Variants in CEP126 observed in about 807,000 individuals in gnomAD.
The protein encoded by CEP126 is centrosomal protein 126.
Under a neutral mutation model 107.8 loss-of-function variants are expected in CEP126, and 74 were observed. The ratio of observed to expected loss-of-function variants is 0.69; its 90% CI spans 0.57 to 0.83. The LOEUF is 0.83. CEP126 is among the 40% of genes least tolerant of loss of function. The pLI, the probability that CEP126 is intolerant of heterozygous loss-of-function variation, is 0.00. For synonymous variants in CEP126, 449 were observed against 446.0 expected (o/e 1.01, Z -0.08); for missense variants, 1,237 against 1,281.9 (o/e 0.96, Z 0.53).
intron 6 of CEP126, among the ~76,000 whole-genome samples, chr11:101,968,544 T>C (rs898821623): frequency 6.6e-6 from 1 of 152,174 alleles, no homozygotes; most frequent in Non-Finnish European, 1.5e-5. Context: ...GAGAAAATTG[T>C]TGACCAATGA....
chr11:101,972,481 C>G (rs901839007), intron 6 of CEP126, among the ~76,000 whole-genome samples: 4 of 151,442 alleles, frequency 2.6e-5, no homozygotes, highest in African/African-American at 9.7e-5. Flanking sequence ...CATCCCCTTC[C>G]TCCGTTACAG....
chr11:101,972,083 G>A (rs1478061766), intron 6 of CEP126, among the ~76,000 whole-genome samples: 1 of 151,360 alleles, frequency 6.6e-6, no homozygotes, highest in African/African-American at 2.4e-5. Context: ...ACTCCAGCCT[G>A]GGCAATAGAG....
intron 4 of CEP126, among the ~76,000 whole-genome samples, chr11:101,954,018 T>C (rs963267135): frequency 7.3e-6 from 1 of 136,730 alleles, no homozygotes; most frequent in Non-Finnish European, 1.6e-5. Flanking sequence ...ATTATTTTCC[T>C]TTTTTGTTTG....
At chr11:101,992,413 C>G (rs1941395789) in intron 9 of CEP126, among the ~76,000 whole-genome samples, 1 of 151,590 alleles carries the variant, frequency 6.6e-6, no homozygotes, top group Admixed American at 6.6e-5. Flanking sequence ...TTTTTTATGC[C>G]TCAATAACTA....
At chr11:101,973,280 G>A (rs1017731242) in intron 6 of CEP126, among the ~76,000 whole-genome samples, 3 of 152,100 alleles carry the variant, frequency 2.0e-5, no homozygotes, top group East Asian at 1.9e-4. Flanking sequence ...CAGTCATACA[G>A]TATAAAATGG....
chr11:101,960,230 G>A lies in CEP126; in HGVS notation c.706-1511G>A, dbSNP rs541923221. ...TCATAATGTTTCATTATTTAGTGGTGGGAAAAAATCTGAAGAAAAAAAAAG... is the reference window on the plus strand; with the variant it reads ...TCATAATGTTTCATTATTTAGTGGTAGGAAAAAATCTGAAGAAAAAAAAAG... On this transcript the variant is annotated intron_variant, in intron 5 of 10. Coordinates refer to ENST00000263468, the MANE Select transcript of CEP126 (RefSeq NM_020802.4). Among the ~76,000 whole-genome samples the A allele has an allele frequency of 1.1e-4, 16 of 152,148 alleles. No homozygotes were observed. In the South Asian group the frequency reaches 2.9e-3, roughly 28 times the overall value.
intron 10 of CEP126, among the ~76,000 whole-genome samples, chr11:101,993,991 TGGGAGGCCGA>T (rs1941414644): frequency 6.6e-6 from 1 of 152,202 alleles, no homozygotes; most frequent in African/African-American, 2.4e-5. Flanking sequence ...CCCAGGACTT[TGGGAGGCCGA>T]GGCTGGCTGG....
intron 2 of CEP126, among the ~76,000 whole-genome samples, chr11:101,935,562 A>G (rs10895225): frequency 0.056 from 8,486 of 152,110 alleles, 458 homozygotes; most frequent in East Asian, 0.26. Context: ...TAGTTGCTCC[A>G]GCACCATTTG....
intron 6 of CEP126, among the ~76,000 whole-genome samples, chr11:101,975,917 A>G (rs569796463): frequency 6.6e-6 from 1 of 152,302 alleles, no homozygotes; most frequent in African/African-American, 2.4e-5. Context: ...AAAGGACATG[A>G]TCTTTTTTAT....
rs183649803 is a variant in CEP126, at chr11:101,959,391, G to T, written c.705+1025G>T. 4.1e-3 allele frequency among the ~76,000 whole-genome samples: 618 copies of T among 152,138 alleles called. 2 individuals are homozygous for T. Among genetic ancestry groups the T allele is most frequent in the African/African-American group, 0.014 (581 of 41,512 alleles). On this transcript the variant is annotated intron_variant, in intron 5 of 10. Transcript: ENST00000263468. ...GATGGTCTCCATCTCTTGACCCCAT[G>T]ATCCGCCCGCCTCAGCCTCCCAAAA...
At chr11:101,932,223 T>C (rs1940511139) in intron 2 of CEP126, among the ~76,000 whole-genome samples, 2 of 152,198 alleles carry the variant, frequency 1.3e-5, no homozygotes, top group African/African-American at 4.8e-5. Flanking sequence ...ATGAAAGAAG[T>C]ATAGTAATCA....
chr11:101,922,754 GA>G lies in CEP126; in HGVS notation c.248del (p.Ala84LeufsTer57). ...ARKYFVESNR[R>X]KKAFEEKRKE... ...AAATATTTTGTGGAGTCAAATCGGA[GA>G]AAAAAGTAAGTAATTGCACTTTATT... On this transcript the variant is annotated frameshift_variant, in exon 2 of 11. Coordinates refer to ENST00000263468, the MANE Select transcript of CEP126 (RefSeq NM_020802.4). LOFTEE classifies it high-confidence loss of function. 6.2e-7 allele frequency: 1 copy of G among 1,610,264 alleles called. No individual in the cohort carries two copies. Among genetic ancestry groups the G allele is most frequent in the Non-Finnish European group, 8.5e-7 (1 of 1,177,820 alleles).
Position 101,958,277 on chromosome 11 carries a change from G to T in CEP126, c.616G>T (p.Ala206Ser). Residue 206 changes from alanine (A) to serine (S), a missense_variant, in exon 5 of 11, where the codon GCA becomes TCA. Ala to Ser is a moderately conservative substitution (Grantham distance 99). Around this residue, in one of 3 missense-constraint regions of CEP126, gnomAD observed 1,134 missense variants for 1,150.5 expected, o/e 0.99. Transcript: ENST00000263468. ...GAAAGAAATGAATGAAAACATGAGG[G>T]CAACCTTGGCTACTAGCAAAAATGT... ...CEKEMNENMR[A>S]TLATSKNVFQ... is the part of the protein sequence containing the mutation. 1 of 1,613,904 alleles carries T rather than the reference G, an allele frequency of 6.2e-7. No homozygotes were observed. The highest frequency in any genetic ancestry group is 8.5e-7 in the Non-Finnish European group (1 of 1,179,914).
intron 9 of CEP126, among the ~76,000 whole-genome samples, chr11:101,990,507 C>T (rs527318812): frequency 1.3e-5 from 2 of 152,246 alleles, no homozygotes; most frequent in African/African-American, 4.8e-5. Flanking sequence ...AGGTATCCTA[C>T]TGTTGGTGGG....
At chr11:101,959,590 A>G (rs1940946933) in intron 5 of CEP126, among the ~76,000 whole-genome samples, 1 of 152,258 alleles carries the variant, frequency 6.6e-6, no homozygotes, top group Non-Finnish European at 1.5e-5. Flanking sequence ...AGTAGTCAAT[A>G]TAATCAGACA....
intron 2 of CEP126, among the ~76,000 whole-genome samples, chr11:101,930,620 C>T (rs917366707): frequency 6.6e-6 from 1 of 152,174 alleles, no homozygotes; most frequent in East Asian, 1.9e-4. Context: ...AGCTTTTATC[C>T]CCTTATTTGG....
At chr11:101,946,096 C>T (rs1427795946) in intron 3 of CEP126, among the ~76,000 whole-genome samples, 1 of 151,808 alleles carries the variant, frequency 6.6e-6, no homozygotes, top group African/African-American at 2.4e-5. Context: ...AAGCAGTGCA[C>T]TGAGTGTAAG....
rs189809039 is a variant in CEP126, at chr11:101,998,431, C to T, written c.*788C>T. ...CTCTACAAAAAATACAAAAATTAAC[C>T]AGGCATGGTGGCATGCACCTGTAGT... is the stretch of plus-strand genomic sequence containing the variant. On this transcript the variant is annotated 3_prime_UTR_variant, in exon 11 of 11. Transcript: ENST00000263468. 1 of 151,526 alleles carries T rather than the reference C, an allele frequency of 6.6e-6. No homozygotes were observed. Among genetic ancestry groups the T allele is most frequent in the Non-Finnish European group, 1.5e-5 (1 of 67,912 alleles). The allele number at this position is 151,526 out of a possible 1,614,324, so 9.4% of individuals were successfully genotyped here.
intron 8 of CEP126, among the ~76,000 whole-genome samples, chr11:101,984,521 G>A (rs553720462): frequency 6.6e-6 from 1 of 152,280 alleles, no homozygotes; most frequent in South Asian, 2.1e-4. Flanking sequence ...ATAGCCAAAA[G>A]AGCTCTGAAT....
Sources: allele counts gnomAD v4.1 joint callset (sites outside exome capture counted in the v4.1 genomes callset), GRCh38; gene constraint gnomAD v4.1.1; regional missense constraint gnomAD v4.1.1; transcripts MANE v1.5; gene names NCBI Gene and HGNC (gene_info 2026-07-23, HGNC 2026-07-21).